AKAP19: variants seen among roughly 807,000 people sequenced by gnomAD.
The protein encoded by AKAP19 is A-kinase anchoring protein 19.
At chr2:189,968,994 T>C in the AKAP19 span, among the ~76,000 whole-genome samples, 2 of 152,056 alleles carry the variant, frequency 1.3e-5, no homozygotes, top group African/African-American at 4.8e-5. Flanking sequence ...ACCTGCAGAG[T>C]CAAATAGTAT....
chr2:190,074,889 T>A, the AKAP19 span, among the ~76,000 whole-genome samples: 3 of 152,042 alleles, frequency 2.0e-5, no homozygotes, highest in Non-Finnish European at 4.4e-5. Flanking sequence ...ACCAGAAAAG[T>A]ATGAGAAGAA....
the AKAP19 span, among the ~76,000 whole-genome samples, chr2:190,082,367 A>G: frequency 1.3e-5 from 2 of 152,232 alleles, no homozygotes; most frequent in Non-Finnish European, 2.9e-5. Context: ...CATGCTTCCC[A>G]GCCTGTCAGG....
the AKAP19 span, among the ~76,000 whole-genome samples, chr2:189,954,256 C>T: frequency 2.0e-5 from 3 of 152,106 alleles, no homozygotes; most frequent in African/African-American, 4.8e-5. Context: ...TTAATGCATC[C>T]ACATCCTTAC....
the AKAP19 span, among the ~76,000 whole-genome samples, chr2:189,902,623 A>G: frequency 6.6e-6 from 1 of 152,054 alleles, no homozygotes; most frequent in Non-Finnish European, 1.5e-5. Flanking sequence ...GTATTACATG[A>G]GTGCTAATAT....
chr2:190,029,458 TACC>T, the AKAP19 span, among the ~76,000 whole-genome samples: 1 of 152,184 alleles, frequency 6.6e-6, no homozygotes, highest in Non-Finnish European at 1.5e-5. Context: ...TATAAAGAAA[TACC>T]ACACAGCCAT....
the AKAP19 span, among the ~76,000 whole-genome samples, chr2:190,048,434 T>C: frequency 3.9e-3 from 599 of 152,276 alleles, 7 homozygotes; most frequent in African/African-American, 0.014. Flanking sequence ...AGTTCAATGA[T>C]GTATATCCAA....
At chr2:189,972,765 G>A in the AKAP19 span, among the ~76,000 whole-genome samples, 15 of 152,026 alleles carry the variant, frequency 9.9e-5, no homozygotes, top group East Asian at 5.8e-4. Context: ...GAGTTCACTC[G>A]TGATTTGGCT....
At chr2:190,054,430 GCAA>G in the AKAP19 span, among the ~76,000 whole-genome samples, 2 of 152,076 alleles carry the variant, frequency 1.3e-5, no homozygotes, top group Admixed American at 1.3e-4. Flanking sequence ...ATAGGCATAG[GCAA>G]GGACTTCATG....
the AKAP19 span, among the ~76,000 whole-genome samples, chr2:189,890,224 T>C: frequency 6.6e-6 from 1 of 152,222 alleles, no homozygotes. Flanking sequence ...TCCATGTAGT[T>C]GTGTGGTTTC....
chr2:190,175,889 T>G, the AKAP19 span, among the ~76,000 whole-genome samples: 1 of 152,182 alleles, frequency 6.6e-6, no homozygotes, highest in Admixed American at 6.5e-5. Flanking sequence ...TAAGAGGTGA[T>G]TAGGCCTTTG....
chr2:190,089,446 T>C, the AKAP19 span: 1 of 152,246 alleles, frequency 6.6e-6, no homozygotes, highest in Admixed American at 6.5e-5. Context: ...AGTCCTATCC[T>C]GAAGGTTTTT....
At chr2:190,014,809 G>A in the AKAP19 span, among the ~76,000 whole-genome samples, 6 of 152,194 alleles carry the variant, frequency 3.9e-5, no homozygotes, top group East Asian at 1.9e-4. Context: ...TTCCAAATGC[G>A]AGAAATTGGC....
chr2:190,102,400 A>C, the AKAP19 span, among the ~76,000 whole-genome samples: 1 of 152,286 alleles, frequency 6.6e-6, no homozygotes, highest in East Asian at 1.9e-4. Context: ...TGAAATCAAA[A>C]GTTGATCCTT....
chr2:190,200,122 C>G, the AKAP19 span: 1 of 1,613,944 alleles, frequency 6.2e-7, no homozygotes, highest in Non-Finnish European at 8.5e-7. Flanking sequence ...CCATGACATT[C>G]CATACATTGA....
the AKAP19 span, among the ~76,000 whole-genome samples, chr2:189,968,724 A>G: frequency 4.6e-5 from 7 of 151,942 alleles, no homozygotes; most frequent in African/African-American, 1.7e-4. Context: ...ATAAGCCCCC[A>G]CTCCAAAATG....
the AKAP19 span, among the ~76,000 whole-genome samples, chr2:189,895,804 A>G: frequency 1.3e-5 from 2 of 152,074 alleles, no homozygotes; most frequent in Non-Finnish European, 2.9e-5. Flanking sequence ...CATGCTTAAG[A>G]TGAATCAGAA....
At chr2:189,933,353 ACT>A in the AKAP19 span, among the ~76,000 whole-genome samples, 1 of 151,744 alleles carries the variant, frequency 6.6e-6, no homozygotes, top group African/African-American at 2.4e-5. Context: ...TGTTTGTCAC[ACT>A]TAATACTCAG....
At chr2:190,078,008 C>A in the AKAP19 span, among the ~76,000 whole-genome samples, 4 of 152,122 alleles carry the variant, frequency 2.6e-5, no homozygotes, top group African/African-American at 9.7e-5. Flanking sequence ...GAGTTCTTTG[C>A]CTGGCTCATG....
At chr2:189,974,533 T>C in the AKAP19 span, among the ~76,000 whole-genome samples, 9 of 152,202 alleles carry the variant, frequency 5.9e-5, no homozygotes, top group East Asian at 1.7e-3. Flanking sequence ...CTGGATATCC[T>C]TTTTAACTTT....
Sources: allele counts gnomAD v4.1 joint callset (sites outside exome capture counted in the v4.1 genomes callset), GRCh38; gene constraint gnomAD v4.1.1; transcripts MANE v1.5; gene names NCBI Gene and HGNC (gene_info 2026-07-23, HGNC 2026-07-21).